Variants in GRM8 observed in about 807,000 individuals in gnomAD.
GRM8 encodes the protein metabotropic glutamate receptor 8.
In GRM8, 47 loss-of-function variants were observed where a neutral mutation model predicts 87.2. The observed-to-expected ratio is 0.54, with a 90% CI of 0.43 to 0.69. GRM8 has a LOEUF of 0.69. GRM8 is among the 30% of genes least tolerant of loss of function. The pLI is 0.00. For synonymous variants in GRM8, 396 were observed against 404.5 expected (o/e 0.98, Z 0.25); for missense variants, 1,019 against 1,139.2 (o/e 0.89, Z 1.52).
At chr7:126,847,267 G>A (rs2130671896) in intron 6 of GRM8, among the ~76,000 whole-genome samples, 1 of 152,278 alleles carries the variant, frequency 6.6e-6, no homozygotes, top group South Asian at 2.1e-4. Flanking sequence ...TTGTATGTGT[G>A]TGCCAAAGAC....
At chr7:126,737,095 C>T (rs1472133422) in intron 7 of GRM8, among the ~76,000 whole-genome samples, 1 of 152,010 alleles carries the variant, frequency 6.6e-6, no homozygotes, top group African/African-American at 2.4e-5. Context: ...ACAAATTAGC[C>T]ACAAGATTAG....
At chr7:126,551,195 A>G (rs187861590) in intron 8 of GRM8, among the ~76,000 whole-genome samples, 13 of 152,164 alleles carry the variant, frequency 8.5e-5, no homozygotes, top group Non-Finnish European at 1.6e-4. Flanking sequence ...TGTCCCCTGT[A>G]CCATCTTCCC....
intron 6 of GRM8, among the ~76,000 whole-genome samples, chr7:126,835,182 C>A (rs974206770): frequency 6.6e-6 from 1 of 151,764 alleles, no homozygotes; most frequent in African/African-American, 2.4e-5. Context: ...TACAAAAATT[C>A]AAGTTGTCCT....
intron 3 of GRM8, among the ~76,000 whole-genome samples, chr7:127,034,696 T>C (rs1165679836): frequency 1.3e-5 from 2 of 152,210 alleles, no homozygotes; most frequent in Admixed American, 6.5e-5. Context: ...TTCAGTGTTT[T>C]CACTAGTACA....
chr7:126,703,585 G>A (rs563856295), intron 7 of GRM8, among the ~76,000 whole-genome samples: 1 of 152,214 alleles, frequency 6.6e-6, no homozygotes, highest in South Asian at 2.1e-4. Flanking sequence ...TTTATACGAG[G>A]TCTCGTCTTT....
At chr7:126,957,394 C>T (rs1007852302) in intron 3 of GRM8, among the ~76,000 whole-genome samples, 12 of 152,174 alleles carry the variant, frequency 7.9e-5, no homozygotes, top group Admixed American at 2.0e-4. Context: ...GAGCCCCATC[C>T]CCTACCGAGT....
chr7:127,087,597 G>C (rs532380272), intron 3 of GRM8, among the ~76,000 whole-genome samples: 2 of 152,110 alleles, frequency 1.3e-5, no homozygotes. Flanking sequence ...AGGAACTATG[G>C]GAAGAGAAAA....
chr7:127,237,016 C>G (rs573958782), intron 2 of GRM8, among the ~76,000 whole-genome samples: 1 of 152,154 alleles, frequency 6.6e-6, no homozygotes. Flanking sequence ...AAGAGACAAT[C>G]TAGTCAAGGA....
intron 7 of GRM8, among the ~76,000 whole-genome samples, chr7:126,719,147 T>C (rs906342613): frequency 6.6e-6 from 1 of 152,200 alleles, no homozygotes; most frequent in African/African-American, 2.4e-5. Flanking sequence ...AAGTGTGTAT[T>C]ATAATAATAG....
chr7:126,963,807 G>A (rs1433876947), intron 3 of GRM8, among the ~76,000 whole-genome samples: 1 of 152,002 alleles, frequency 6.6e-6, no homozygotes. Flanking sequence ...CGGAACTGGA[G>A]AAAACTACTG....
At chr7:126,995,905 C>A (rs186095765) in intron 3 of GRM8, among the ~76,000 whole-genome samples, 1 of 151,778 alleles carries the variant, frequency 6.6e-6, no homozygotes, top group South Asian at 2.1e-4. Flanking sequence ...AGAAGACTAC[C>A]TAAAGGCATT....
intron 8 of GRM8, among the ~76,000 whole-genome samples, chr7:126,556,413 G>A (rs1487496306): frequency 2.0e-5 from 3 of 149,920 alleles, no homozygotes; most frequent in African/African-American, 4.9e-5. Flanking sequence ...TTGGGAGGCC[G>A]AGGTGGGTGG....
intron 3 of GRM8, among the ~76,000 whole-genome samples, chr7:127,049,127 T>C (rs191140965): frequency 2.3e-4 from 35 of 152,250 alleles, no homozygotes; most frequent in Middle Eastern, 6.8e-3. Flanking sequence ...GACTGATAGG[T>C]AGATTCCATG....
chr7:126,572,641 A>G (rs1276458864), intron 8 of GRM8, among the ~76,000 whole-genome samples: 1 of 152,182 alleles, frequency 6.6e-6, no homozygotes, highest in Non-Finnish European at 1.5e-5. Context: ...TCTATAAGAC[A>G]TTTTCTGAGG....
At chr7:127,020,083 A>G (rs1249230248) in intron 3 of GRM8, among the ~76,000 whole-genome samples, 3 of 152,116 alleles carry the variant, frequency 2.0e-5, no homozygotes, top group African/African-American at 4.8e-5. Flanking sequence ...TTCTGAGGCA[A>G]AGATTATAAA....
chr7:126,470,944 A>T (rs1280612123), intron 9 of GRM8, among the ~76,000 whole-genome samples: 1 of 152,194 alleles, frequency 6.6e-6, no homozygotes, highest in African/African-American at 2.4e-5. Context: ...ATGGCCAGTG[A>T]TGATGAGCAT....
intron 8 of GRM8, among the ~76,000 whole-genome samples, chr7:126,549,364 T>C (rs1263200925): frequency 6.6e-6 from 1 of 151,972 alleles, no homozygotes; most frequent in Non-Finnish European, 1.5e-5. Flanking sequence ...GAATTACAAG[T>C]TAAAGAAAAG....
At chr7:127,232,068 T>C (rs1797716281) in intron 2 of GRM8, among the ~76,000 whole-genome samples, 2 of 152,126 alleles carry the variant, frequency 1.3e-5, no homozygotes, top group East Asian at 1.9e-4. Context: ...CTTAGCTCAC[T>C]TGGCTGGAAC....
At chr7:126,910,380 G>A (rs117623741) in intron 3 of GRM8, among the ~76,000 whole-genome samples, 1,815 of 151,990 alleles carry the variant, frequency 0.012, 28 homozygotes, top group Non-Finnish European at 0.018. Context: ...GTATCACTGC[G>A]TTTGGTACAT....
Sources: allele counts gnomAD v4.1 joint callset (sites outside exome capture counted in the v4.1 genomes callset), GRCh38; gene constraint gnomAD v4.1.1; transcripts MANE v1.5; gene names NCBI Gene and HGNC (gene_info 2026-07-23, HGNC 2026-07-21).